Variants in ARHGEF17 observed in about 807,000 individuals in gnomAD.
ARHGEF17 encodes Rho guanine nucleotide exchange factor 17.
ARHGEF17 carries 80 observed loss-of-function variants against 174.0 expected under a neutral mutation model. That is an observed-to-expected ratio of 0.46 (90% confidence interval 0.38 to 0.55). ARHGEF17 has a LOEUF of 0.55. ARHGEF17 is among the 20% of genes least tolerant of loss of function. ARHGEF17 has a pLI of 0.00. For synonymous variants in ARHGEF17, 1,311 were observed against 1,189.1 expected (o/e 1.10, Z -2.11); for missense variants, 2,886 against 2,839.7 (o/e 1.02, Z -0.37).
chr11:73,350,262 C>T (rs1047093659), intron 2 of ARHGEF17, among the ~76,000 whole-genome samples: 5 of 152,196 alleles, frequency 3.3e-5, no homozygotes, highest in African/African-American at 7.2e-5. Context: ...TATTAGTTGA[C>T]ATTCACTGAG....
chr11:73,367,632 G>A lies in ARHGEF17; in HGVS notation c.6044G>A (p.Arg2015Gln), dbSNP rs758214703. ...SLEHRDSPWH[R>Q]GPAPARPKML... ...GAGCACCGGGACTCCCCTTGGCACCGAGGCCCCGCCCCTGCCAGGCCTAAA... is the reference window on the plus strand; with the variant it reads ...GAGCACCGGGACTCCCCTTGGCACCAAGGCCCCGCCCCTGCCAGGCCTAAA... The change falls in exon 21 of 21, where the codon CGA becomes CAA. Residue 2015 changes from arginine to glutamine, a missense_variant. Physicochemically the swap from Arg to Gln is conservative, Grantham distance 43. This residue lies in a region of ARHGEF17 where 329 missense variants were observed against 435.2 expected (regional missense o/e 0.76). Transcript: ENST00000263674. 25 of 1,613,900 alleles carry A rather than the reference G, an allele frequency of 1.5e-5. No individual in the cohort carries two copies. The highest frequency in any genetic ancestry group is 2.1e-5 in the Non-Finnish European group (25 of 1,179,920).
rs1344681146 is a variant in ARHGEF17 at position 73,365,353 on chromosome 11, C to T, written c.5551-37C>T. The T allele has an allele frequency of 6.2e-7, 1 of 1,610,260 alleles. No individual in the cohort carries two copies. Among genetic ancestry groups the T allele is most frequent in the Non-Finnish European group, 8.5e-7 (1 of 1,178,048 alleles). ...GCTAGGGTGGGCCAAGGGAGGCAGG[C>T]CTGCCAATGACCCATCTTCTCCCCC... On this transcript the variant is annotated intron_variant, in intron 18 of 20. Coordinates refer to ENST00000263674, the MANE Select transcript of ARHGEF17 (RefSeq NM_014786.4). This position sits in a 1 kb window ranked among gnomAD's most constrained non-coding sequence, Gnocchi z 4.9.
At chr11:73,360,795 C>T (rs1370756023) in intron 11 of ARHGEF17, among the ~76,000 whole-genome samples, 8 of 152,258 alleles carry the variant, frequency 5.3e-5, no homozygotes, top group South Asian at 2.1e-4. Flanking sequence ...CCAAGACCCT[C>T]GCCATACCCT....
chr11:73,310,179 T>C lies in ARHGEF17; in HGVS notation c.1541T>C (p.Val514Ala), dbSNP rs990806252. 1.2e-6 allele frequency: 2 copies of C among 1,613,752 alleles called. No individual in the cohort carries two copies. Among genetic ancestry groups the C allele is most frequent in the Non-Finnish European group, 1.7e-6 (2 of 1,179,982 alleles). ...GRDSPSAGGP[V>A]GQLEPIPIPA... ...GACTCACCATCCGCAGGTGGCCCTGTGGGGCAACTTGAACCCATACCCATC... is the reference window on the plus strand; with the variant it reads ...GACTCACCATCCGCAGGTGGCCCTGCGGGGCAACTTGAACCCATACCCATC... The change falls in exon 1 of 21, where the codon GTG becomes GCG. Residue 514 changes from valine (V) to alanine (A), a missense_variant. This residue lies in a region of ARHGEF17 where 1,728 missense variants were observed against 1,461.2 expected (regional missense o/e 1.18). Coordinates refer to ENST00000263674, the MANE Select transcript of ARHGEF17 (RefSeq NM_014786.4).
chr11:73,317,464 C>G (rs1363695249), intron 1 of ARHGEF17, among the ~76,000 whole-genome samples: 2 of 152,222 alleles, frequency 1.3e-5, no homozygotes, highest in African/African-American at 4.8e-5. Flanking sequence ...GACTCCCAGA[C>G]CGTACATTGG....
intron 1 of ARHGEF17, among the ~76,000 whole-genome samples, chr11:73,329,802 C>A (rs1169128003): frequency 6.6e-6 from 1 of 152,174 alleles, no homozygotes; most frequent in African/African-American, 2.4e-5. Context: ...TTTGCTGTTA[C>A]AAACTGCTGC....
intron 1 of ARHGEF17, 97 bp downstream of exon 1, chr11:73,311,927 G>T (rs1864845323): frequency 4.3e-6 from 6 of 1,388,864 alleles, no homozygotes; most frequent in South Asian, 1.5e-5. Flanking sequence ...CTGGTCAGGT[G>T]CCCAGGTGCC....
At chr11:73,329,355 A>ATTTTTTTTTTTTTTTTTTTT (rs1865159348) in intron 1 of ARHGEF17, among the ~76,000 whole-genome samples, 1 of 11,454 alleles carries the variant, frequency 8.7e-5, no homozygotes, top group African/African-American at 4.5e-4. Flanking sequence ...ATATATATAT[A>ATTTTTTTTTTTTTTTTTTTT]TATATATATA....
chr11:73,368,401 C>T lies in ARHGEF17; in HGVS notation c.*621C>T, dbSNP rs979792161. ...CACACTGCATGTCCAAGGCCCTAAA[C>T]ATTGCCCGTTGACATAAACTTTCCA... is the stretch of plus-strand genomic sequence containing the variant. On this transcript the variant is annotated 3_prime_UTR_variant, in exon 21 of 21. Transcript: ENST00000263674. 1.7e-4 allele frequency: 26 copies of T among 152,236 alleles called. No homozygotes were observed. The highest frequency in any genetic ancestry group is 6.0e-4 in the African/African-American group (25 of 41,440). The allele number at this position is 152,236 out of a possible 1,614,324, so 9.4% of individuals were successfully genotyped here. A position where few individuals can be genotyped will look rare whatever the true frequency, so the allele number is the denominator to read the frequency against.
At chr11:73,312,018 C>T (rs1864847586) in intron 1 of ARHGEF17, among the ~76,000 whole-genome samples, 188 bp downstream of exon 1, 2 of 152,188 alleles carry the variant, frequency 1.3e-5, no homozygotes, top group Non-Finnish European at 2.9e-5. Context: ...TACTCAGGCC[C>T]TGTAGAAGCT....
chr11:73,323,807 C>T (rs1463319304), intron 1 of ARHGEF17, among the ~76,000 whole-genome samples: 1 of 152,254 alleles, frequency 6.6e-6, no homozygotes, highest in African/African-American at 2.4e-5. Flanking sequence ...AGGGTGGGCC[C>T]GGCCTGCCCC....
rs1864728445 is a variant in ARHGEF17, at chr11:73,308,499, TGCTCCG to T, written c.-138_-133del. The T allele has an allele frequency of 1.3e-6, 1 of 741,410 alleles. No homozygotes were observed. The highest frequency in any genetic ancestry group is 1.9e-6 in the Non-Finnish European group (1 of 517,828). The allele number at this position is 741,410 out of a possible 1,614,324, so 45.9% of individuals were successfully genotyped here. A position where few individuals can be genotyped will look rare whatever the true frequency, so the allele number is the denominator to read the frequency against. ...ACTTGAGCCGCGGCAGAGAAACCTC[TGCTCCG>T]GTCTCTGCGTCCTCTTCCCACACTC... is the stretch of plus-strand genomic sequence containing the variant. On this transcript the variant is annotated 5_prime_UTR_variant, in exon 1 of 21. Coordinates refer to ENST00000263674, the MANE Select transcript of ARHGEF17 (RefSeq NM_014786.4).
intron 1 of ARHGEF17, among the ~76,000 whole-genome samples, chr11:73,317,522 G>GGGTGGGGGAAGGGGGAGC (rs1221078355): frequency 4.6e-5 from 7 of 152,250 alleles, no homozygotes; most frequent in African/African-American, 1.4e-4. Context: ...GGCGGTAGCA[G>GGGTGGGGGAAGGGGGAGC]GGTGGGGGAA....
chr11:73,354,261 G>A (rs777350961), intron 3 of ARHGEF17, among the ~76,000 whole-genome samples: 3 of 152,310 alleles, frequency 2.0e-5, no homozygotes, highest in South Asian at 2.1e-4. Context: ...CCTGGACCTT[G>A]ATGCTGACCA....
intron 1 of ARHGEF17, among the ~76,000 whole-genome samples, chr11:73,325,723 CAT>C (rs1865091412): frequency 1.3e-5 from 2 of 152,246 alleles, no homozygotes; most frequent in African/African-American, 4.8e-5. Context: ...CAACAAGTAA[CAT>C]AAACAGGCAT....
At chr11:73,354,776 T>C (rs1383127971) in intron 3 of ARHGEF17, among the ~76,000 whole-genome samples, 1 of 151,614 alleles carries the variant, frequency 6.6e-6, no homozygotes, top group African/African-American at 2.4e-5. Context: ...TGTGGTCACG[T>C]AGCTTATCCA....
At chr11:73,313,093 C>T (rs1864868391) in intron 1 of ARHGEF17, among the ~76,000 whole-genome samples, 1 of 152,234 alleles carries the variant, frequency 6.6e-6, no homozygotes, top group Non-Finnish European at 1.5e-5. Context: ...TTCAGTCACT[C>T]CCTTTCCCAG....
intron 9 of ARHGEF17, among the ~76,000 whole-genome samples, chr11:73,358,274 G>A (rs2134419087): frequency 6.6e-6 from 1 of 152,314 alleles, no homozygotes; most frequent in South Asian, 2.1e-4. Context: ...CACCGTTGAG[G>A]AGGCTGGGAA....
At chr11:73,363,148 A>G in intron 14 of ARHGEF17, 58 bp from the exon 15 acceptor site, 1 of 1,468,106 alleles carries the variant, frequency 6.8e-7, no homozygotes. Context: ...GCCTAGAAAG[A>G]TATCAGGTCC....
Sources: allele counts gnomAD v4.1 joint callset (sites outside exome capture counted in the v4.1 genomes callset), GRCh38; gene constraint gnomAD v4.1.1; regional missense constraint gnomAD v4.1.1; non-coding constraint Gnocchi (gnomAD v3.1); transcripts MANE v1.5; gene names NCBI Gene and HGNC (gene_info 2026-07-23, HGNC 2026-07-21).